The following MIS18A variants were observed in gnomAD, a reference collection of about 807,000 sequenced individuals.
MIS18A encodes protein Mis18-alpha.
Under a neutral mutation model 25.0 loss-of-function variants are expected in MIS18A, and 14 were observed. The observed-to-expected ratio is 0.56, with a 90% confidence interval of 0.37 to 0.88. MIS18A has a LOEUF of 0.88. Ranked by LOEUF, MIS18A falls within the 40% of genes least tolerant of loss-of-function variation. The pLI is 0.00. For missense variants in MIS18A, 292 were observed against 290.8 expected, an observed-to-expected ratio of 1.00 and a Z score of -0.03; for synonymous variants, 134 against 118.6, an observed-to-expected ratio of 1.13 and a Z score of -0.84.
chr21:32,234,498 C>A, the MIS18A span, among the ~76,000 whole-genome samples: 1 of 152,150 alleles, frequency 6.6e-6, no homozygotes, highest in African/African-American at 2.4e-5. Context: ...AGTGCCAGAT[C>A]TCAATTTATA....
the MIS18A span, among the ~76,000 whole-genome samples, chr21:32,176,767 T>C: frequency 6.7e-6 from 1 of 149,848 alleles, no homozygotes; most frequent in Admixed American, 6.7e-5. Flanking sequence ...AACAACTGAA[T>C]ATCAACAAGG....
chr21:32,223,974 T>A, the MIS18A span, among the ~76,000 whole-genome samples: 1 of 152,210 alleles, frequency 6.6e-6, no homozygotes, highest in Non-Finnish European at 1.5e-5. Flanking sequence ...TGGTTCAACA[T>A]ACACAAATCA....
At chr21:32,206,013 C>G in the MIS18A span, among the ~76,000 whole-genome samples, 1 of 152,194 alleles carries the variant, frequency 6.6e-6, no homozygotes, top group African/African-American at 2.4e-5. Flanking sequence ...GCTGGCCACT[C>G]CTTGTTTTCC....
chr21:32,212,116 C>T, the MIS18A span, among the ~76,000 whole-genome samples: 1 of 152,140 alleles, frequency 6.6e-6, no homozygotes, highest in Non-Finnish European at 1.5e-5. Context: ...TGGAGAGAGG[C>T]AGGACAGAGG....
the MIS18A span, among the ~76,000 whole-genome samples, chr21:32,231,346 A>T: frequency 6.6e-6 from 1 of 152,324 alleles, no homozygotes; most frequent in South Asian, 2.1e-4. Flanking sequence ...ATTCAATAAT[A>T]AAAAGACAAA....
downstream of MIS18A, among the ~76,000 whole-genome samples, chr21:32,265,139 C>G (rs1026888926): frequency 1.3e-5 from 2 of 152,158 alleles, no homozygotes; most frequent in Non-Finnish European, 2.9e-5. Context: ...CTGGGACATC[C>G]GCCTCCTGCT....
chr21:32,175,503 A>G, the MIS18A span, among the ~76,000 whole-genome samples: 4 of 151,956 alleles, frequency 2.6e-5, no homozygotes, highest in Non-Finnish European at 5.9e-5. Context: ...TTGTAATAAC[A>G]CTTAGTTTAA....
chr21:32,194,617 C>A, the MIS18A span, among the ~76,000 whole-genome samples: 1 of 151,678 alleles, frequency 6.6e-6, no homozygotes, highest in Admixed American at 6.6e-5. Flanking sequence ...CAAGATCGTG[C>A]CATTGCACTC....
At chr21:32,266,272 A>G (rs1385480850), downstream of MIS18A, among the ~76,000 whole-genome samples, 1 of 152,134 alleles carries the variant, frequency 6.6e-6, no homozygotes, top group Non-Finnish European at 1.5e-5. Context: ...GAACCTTTGT[A>G]TCTAGCTCAG....
the MIS18A span, among the ~76,000 whole-genome samples, chr21:32,224,051 G>A: frequency 6.6e-6 from 1 of 152,162 alleles, no homozygotes; most frequent in Non-Finnish European, 1.5e-5. Flanking sequence ...AATAGATGCA[G>A]AAAAGCCCTT....
chr21:32,200,725 A>T, the MIS18A span, among the ~76,000 whole-genome samples: 1 of 152,184 alleles, frequency 6.6e-6, no homozygotes, highest in South Asian at 2.1e-4. Flanking sequence ...GGCGTGAGCC[A>T]CCGTGCCCCG....
At chr21:32,192,344 C>T in the MIS18A span, among the ~76,000 whole-genome samples, 7 of 152,174 alleles carry the variant, frequency 4.6e-5, no homozygotes, top group African/African-American at 9.7e-5. Context: ...GGGGTCTCCT[C>T]GCGTGGCTGC....
downstream of MIS18A, among the ~76,000 whole-genome samples, chr21:32,265,026 C>T (rs1379729386): frequency 6.6e-6 from 1 of 152,248 alleles, no homozygotes; most frequent in Non-Finnish European, 1.5e-5. Flanking sequence ...GTTTCCCTAT[C>T]TTCTCCCTAA....
Position 32,278,797 on chromosome 21 carries a change from G to T in MIS18A, c.218C>A (p.Ala73Glu), listed in dbSNP as rs376090555. The T allele has an allele frequency of 6.3e-7, 1 of 1,587,444 alleles. No individual in the cohort carries two copies. Among genetic ancestry groups the T allele is most frequent in the Non-Finnish European group, 8.5e-7 (1 of 1,170,350 alleles). ...DMERAQLEEEAAAAEERPLVF... is the reference protein window; with the variant it reads ...DMERAQLEEEEAAAEERPLVF... Reference sequence around the variant, plus strand: ...CAGCGGCCTCTCCTCCGCAGCCGCCGCCTCCTCCTCCAGCTGCGCCCTCTC... The same window carrying T: ...CAGCGGCCTCTCCTCCGCAGCCGCCTCCTCCTCCTCCAGCTGCGCCCTCTC... Residue 73 changes from alanine (A) to glutamate (E), a missense_variant, in exon 1 of 5, where the codon GCG becomes GAG. Ala to Glu is a moderately radical substitution (Grantham distance 107). Coordinates refer to ENST00000290130, the MANE Select transcript of MIS18A (RefSeq NM_018944.3).
the MIS18A span, among the ~76,000 whole-genome samples, chr21:32,202,316 GA>G: frequency 6.6e-6 from 1 of 150,790 alleles, no homozygotes; most frequent in Non-Finnish European, 1.5e-5. Flanking sequence ...GAAAAGAAAA[GA>G]AAAAAAGAGC....
chr21:32,164,155 G>C, the MIS18A span, among the ~76,000 whole-genome samples: 1 of 152,078 alleles, frequency 6.6e-6, no homozygotes, highest in African/African-American at 2.4e-5. Context: ...TCCAACATTA[G>C]GGTCAGATTT....
Position 32,269,780 on chromosome 21 carries a change from T to C in MIS18A, c.548A>G (p.Lys183Arg), listed in dbSNP as rs752751601. ...IESYVLGSSE[K>R]QIVSEDKELF... ...CTCTTTATCTTCTGACACAATTTGC[T>C]TTTCAGAGGACCCTAAAACATAACT... Residue 183 changes from lysine (K) to arginine (R), a missense_variant, in exon 4 of 5, where the codon AAG becomes AGG. Coordinates refer to ENST00000290130, the MANE Select transcript of MIS18A (RefSeq NM_018944.3). 3 of 1,610,582 alleles carry C rather than the reference T, an allele frequency of 1.9e-6. No homozygotes were observed. Among genetic ancestry groups the C allele is most frequent in the Non-Finnish European group, 2.5e-6 (3 of 1,176,868 alleles).
the MIS18A span, among the ~76,000 whole-genome samples, chr21:32,226,260 C>A: frequency 7.2e-6 from 1 of 139,156 alleles, no homozygotes; most frequent in African/African-American, 2.9e-5. Context: ...TGCACATGTA[C>A]CCTAAAACTT....
the MIS18A span, among the ~76,000 whole-genome samples, chr21:32,214,455 T>C: frequency 7.3e-6 from 1 of 137,288 alleles, no homozygotes; most frequent in African/African-American, 2.8e-5. Flanking sequence ...TTCCAAACTT[T>C]TATACATATG....
Sources: allele counts gnomAD v4.1 joint callset (sites outside exome capture counted in the v4.1 genomes callset), GRCh38; gene constraint gnomAD v4.1.1; transcripts MANE v1.5; gene names NCBI Gene and HGNC (gene_info 2026-07-23, HGNC 2026-07-21).